Variants in CREB3L3 observed in about 807,000 individuals in gnomAD.
The protein encoded by CREB3L3 is cAMP responsive element binding protein 3 like 3.
In CREB3L3, 40 loss-of-function variants were observed where a neutral mutation model predicts 44.6. The ratio of observed to expected loss-of-function variants is 0.90; its 90% CI spans 0.70 to 1.17. CREB3L3 has a LOEUF of 1.17. CREB3L3 is among the 50% of genes most tolerant of loss of function. CREB3L3 has a pLI of 0.00. For synonymous variants in CREB3L3, 273 were observed against 256.3 expected, an observed-to-expected ratio of 1.06 and a Z score of -0.62; for missense variants, 578 against 595.8, an observed-to-expected ratio of 0.97 and a Z score of 0.31.
rs1010979899 is a variant in CREB3L3 at position 4,157,222 on chromosome 19, T to C, written c.384T>C (p.Pro128=). The C allele has an allele frequency of 2.5e-6, 4 of 1,614,152 alleles. No homozygotes were observed. Among genetic ancestry groups the C allele is most frequent in the Middle Eastern group, 3.3e-4 (2 of 6,062 alleles). ...PGKGPCLSYH[P]GNSCSTTTPG... ...AGGGGCCCTGCCTCTCCTATCATCC[T>C]GGCAACTCTTGCTCCACCACAACCC... Residue 128 remains proline, a synonymous_variant, in exon 3 of 10, where the codon CCT becomes CCC. Coordinates refer to ENST00000078445, the MANE Select transcript of CREB3L3 (RefSeq NM_032607.3).
At chr19:4,163,294 C>T (rs1038772920) in intron 4 of CREB3L3, among the ~76,000 whole-genome samples, 4 of 114,248 alleles carry the variant, frequency 3.5e-5, no homozygotes, top group Non-Finnish European at 3.7e-5. Flanking sequence ...GGCGACAGAG[C>T]GAGACTCGTC....
At chr19:4,154,777 G>A (rs566199967) in intron 1 of CREB3L3, 122 bp from the exon 2 acceptor site, 46 of 1,445,586 alleles carry the variant, frequency 3.2e-5, no homozygotes, top group Non-Finnish European at 4.2e-5. Context: ...GCAGCAGCTG[G>A]CCCAACCCGG....
Position 4,157,165 on chromosome 19 carries a change from C to T in CREB3L3, c.327C>T (p.Ser109=). Reference sequence around the variant, plus strand: ...CTCCACGCAGCGGACCAGCCACCTCCCCCGCCGGCTGCCATCCTGCCCAGC... The same window carrying T: ...CTCCACGCAGCGGACCAGCCACCTCTCCCGCCGGCTGCCATCCTGCCCAGC... ...DTPPRSGPAT[S]PAGCHPAQPG... Residue 109 remains serine, a synonymous_variant, in exon 3 of 10, where the codon TCC becomes TCT. Transcript: ENST00000078445. The T allele has an allele frequency of 6.2e-7, 1 of 1,614,034 alleles. No individual in the cohort carries two copies. The highest frequency in any genetic ancestry group is 1.3e-5 in the African/African-American group (1 of 75,042).
intron 1 of CREB3L3, among the ~76,000 whole-genome samples, chr19:4,154,558 A>G (rs1049591308): frequency 6.6e-6 from 1 of 152,032 alleles, no homozygotes; most frequent in South Asian, 2.1e-4. Flanking sequence ...TATTTGCAGT[A>G]GGGATAGGGG....
chr19:4,154,810 TAGCCGGAAAG>T (rs1440406546), intron 1 of CREB3L3, 79 bp from the exon 2 acceptor site: 1 of 1,598,096 alleles, frequency 6.3e-7, no homozygotes, highest in African/African-American at 1.3e-5. Context: ...AACTGAACTC[TAGCCGGAAAG>T]AGCCAGGGTT....
At chr19:4,161,184 G>A (rs1023174193) in intron 4 of CREB3L3, among the ~76,000 whole-genome samples, 1 of 152,020 alleles carries the variant, frequency 6.6e-6, no homozygotes, top group Non-Finnish European at 1.5e-5. Context: ...GGATGGTCTC[G>A]ATCTCCTGAC....
In CREB3L3 at chr19:4,171,284, T is replaced by G. The variant is rs1311554131; in HGVS notation, c.976-99T>G. 6.9e-7 allele frequency: 1 copy of G among 1,440,530 alleles called. No homozygotes were observed. The highest frequency in any genetic ancestry group is 2.3e-5 in the East Asian group (1 of 43,298). 89.2% of individuals were successfully genotyped at this position (1,440,530 alleles called of 1,614,324 possible). A position where few individuals can be genotyped will look rare whatever the true frequency, so the allele number is the denominator to read the frequency against. The stretch of plus-strand genomic sequence containing the variant: ...TCCTTGTGCCCCAGCTCAAGTATGA[T>G]CCAGTCTGGTCTTTGGGGCCTCAGT... On this transcript the variant is annotated intron_variant, in intron 8 of 9. Transcript: ENST00000078445. The surrounding 1 kb of genome is among the most constrained non-coding windows in gnomAD (Gnocchi z 4.9).
At chr19:4,170,560 C>A (rs574771138) in intron 7 of CREB3L3, among the ~76,000 whole-genome samples, 1 of 151,122 alleles carries the variant, frequency 6.6e-6, no homozygotes, top group Non-Finnish European at 1.5e-5. Flanking sequence ...TGCCGTGAGC[C>A]GAGATCGCAC....
In CREB3L3 at chr19:4,172,048, G is replaced by A. The variant is rs1179218845; in HGVS notation, c.*79G>A. 2.9e-6 allele frequency: 4 copies of A among 1,394,848 alleles called. No homozygotes were observed. The highest frequency in any genetic ancestry group is 3.8e-6 in the Non-Finnish European group (4 of 1,043,804). 86.4% of individuals were successfully genotyped at this position (1,394,848 alleles called of 1,614,324 possible). A position where few individuals can be genotyped will look rare whatever the true frequency, so the allele number is the denominator to read the frequency against. On this transcript the variant is annotated 3_prime_UTR_variant, in exon 10 of 10. Transcript: ENST00000078445. ...GCTGCACTGGGCAGCTACCCACCTGGGGATGGGACGTGAGGCCAAGACCCC... is the reference window on the plus strand; with the variant it reads ...GCTGCACTGGGCAGCTACCCACCTGAGGATGGGACGTGAGGCCAAGACCCC...
Position 4,157,011 on chromosome 19 carries a change from C to G in CREB3L3, c.173C>G (p.Pro58Arg), listed in dbSNP as rs2041590176. The G allele has an allele frequency of 6.2e-7, 1 of 1,614,110 alleles. No homozygotes were observed. Among genetic ancestry groups the G allele is most frequent in the Non-Finnish European group, 8.5e-7 (1 of 1,180,022 alleles). ...CCACCCCAGCAGGTCCTGCCAAACCCCGACTCTGACGACTTCCTCAGCTCC... is the reference window on the plus strand; with the variant it reads ...CCACCCCAGCAGGTCCTGCCAAACCGCGACTCTGACGACTTCCTCAGCTCC... ...HVKDQQVLPN[P>R]DSDDFLSSIL... Residue 58 changes from proline to arginine, a missense_variant, in exon 3 of 10, where the codon CCC becomes CGC. Pro to Arg is a moderately radical substitution (Grantham distance 103). Transcript: ENST00000078445.
intron 4 of CREB3L3, among the ~76,000 whole-genome samples, chr19:4,161,156 G>T (rs1176689929): frequency 6.6e-6 from 1 of 152,076 alleles, no homozygotes; most frequent in Non-Finnish European, 1.5e-5. Flanking sequence ...TGGAGACAGG[G>T]TTTCATCATG....
chr19:4,170,438 C>T (rs530035855), intron 7 of CREB3L3, among the ~76,000 whole-genome samples: 6 of 151,928 alleles, frequency 3.9e-5, no homozygotes, highest in East Asian at 1.9e-4. Flanking sequence ...GGTGAAACCC[C>T]GTCTCTACTA....
Position 4,170,124 on chromosome 19 carries a change from G to A in CREB3L3, c.822-16G>A, listed in dbSNP as rs200832248. ...ACTGGCATATGCTGAATGTCGATGC[G>A]TCTTCCTCCTTTCAGGATGTCAGCT... On this transcript the variant is annotated splice_polypyrimidine_tract_variant and intron_variant, in intron 6 of 9. Coordinates refer to ENST00000078445, the MANE Select transcript of CREB3L3 (RefSeq NM_032607.3). The A allele has an allele frequency of 4.7e-4, 762 of 1,613,780 alleles. 4 individuals carry two copies. The highest frequency in any genetic ancestry group is 3.1e-4 in the East Asian group (14 of 44,862).
At chr19:4,169,301 A>G (rs1166760503) in intron 6 of CREB3L3, among the ~76,000 whole-genome samples, 1 of 151,522 alleles carries the variant, frequency 6.6e-6, no homozygotes, top group Non-Finnish European at 1.5e-5. Flanking sequence ...ACCACGGTGA[A>G]ACTCTGTCTT....
intron 5 of CREB3L3, among the ~76,000 whole-genome samples, chr19:4,167,989 A>T (rs1396854346): frequency 1.3e-5 from 2 of 149,686 alleles, no homozygotes; most frequent in East Asian, 3.9e-4. Flanking sequence ...TTATTTATTT[A>T]TTTATTTATT....
intron 4 of CREB3L3, among the ~76,000 whole-genome samples, chr19:4,163,936 C>G (rs1379485734): frequency 1.3e-5 from 2 of 150,276 alleles, no homozygotes; most frequent in Non-Finnish European, 3.0e-5. Context: ...TCCTGAGTAG[C>G]TGGGATTACA....
chr19:4,170,050 GCTTGTA>G lies in CREB3L3; in HGVS notation c.822-89_822-84del, dbSNP rs1313075835. The G allele has an allele frequency of 4.7e-6, 6 of 1,278,122 alleles. No homozygotes were observed. The Admixed American group carries it at 1.0e-4, about 22-fold the overall frequency. The allele number at this position is 1,278,122 out of a possible 1,614,324, so 79.2% of individuals were successfully genotyped here. On this transcript the variant is annotated intron_variant, in intron 6 of 9. Transcript: ENST00000078445. ...CCCTCTCTGGCCTTGGGTTCTCTTG[GCTTGTA>G]ACGTGAGGCCTCTGGGGGAGATGTC...
chr19:4,161,242 G>T (rs1394030546), intron 4 of CREB3L3, among the ~76,000 whole-genome samples: 1 of 151,876 alleles, frequency 6.6e-6, no homozygotes, highest in Admixed American at 6.6e-5. Context: ...GATTACAGGC[G>T]TGAGCCACCG....
In CREB3L3 at chr19:4,171,632, G is replaced by C. The variant is rs199858798; in HGVS notation, c.1073-24G>C. On this transcript the variant is annotated intron_variant, in intron 9 of 9. Transcript: ENST00000078445. This position sits in a 1 kb window ranked among gnomAD's most constrained non-coding sequence, Gnocchi z 4.9. The stretch of plus-strand genomic sequence containing the variant: ...GGACCCCACCTCCACCTTGTCCCCT[G>C]TGATGCCCCCCTTCCCCAATCAGTG... 6.2e-7 allele frequency: 1 copy of C among 1,613,076 alleles called. No individual in the cohort carries two copies. Among genetic ancestry groups the C allele is most frequent in the African/African-American group, 1.3e-5 (1 of 74,986 alleles).
Sources: gnomAD v4.1 joint callset for allele counts (sites outside exome capture counted in the v4.1 genomes callset) on GRCh38, gnomAD v4.1.1 for gene constraint, Gnocchi (gnomAD v3.1) non-coding constraint, MANE v1.5 for transcripts, NCBI Gene and HGNC (gene_info 2026-07-23, HGNC 2026-07-21) for gene names.